BANK1: variants seen among roughly 807,000 people sequenced by gnomAD.
BANK1 encodes the protein B-cell scaffold protein with ankyrin repeats.
BANK1 carries 95 observed loss-of-function variants against 94.5 expected under a neutral mutation model. The ratio of observed to expected loss-of-function variants is 1.00; its 90% CI spans 0.85 to 1.19. The LOEUF (loss-of-function observed/expected upper bound fraction) is 1.19. Ranked by LOEUF, BANK1 falls within the 50% of genes most tolerant of loss-of-function variation. The pLI is 0.00. For synonymous variants in BANK1, 334 were observed against 308.4 expected (o/e 1.08, Z -0.87); for missense variants, 987 against 932.2 (o/e 1.06, Z -0.77).
chr4:101,842,394 A>G (rs956488714), intron 2 of BANK1, among the ~76,000 whole-genome samples: 1 of 152,354 alleles, frequency 6.6e-6, no homozygotes, highest in Non-Finnish European at 1.5e-5. Context: ...AACCACCAAT[A>G]AAAGAACTTT....
intron 10 of BANK1, among the ~76,000 whole-genome samples, chr4:102,032,793 G>A (rs1727364140): frequency 6.6e-6 from 1 of 152,000 alleles, no homozygotes. Context: ...GCTGAGGCAG[G>A]AGAATAGCTT....
chr4:101,948,609 G>A (rs1296344269), intron 7 of BANK1, among the ~76,000 whole-genome samples: 1 of 151,918 alleles, frequency 6.6e-6, no homozygotes, highest in Admixed American at 6.6e-5. Flanking sequence ...ATCTAAAATG[G>A]CATTTCAAAA....
At chr4:102,000,461 G>A (rs1033783653) in intron 7 of BANK1, among the ~76,000 whole-genome samples, 17 of 151,758 alleles carry the variant, frequency 1.1e-4, no homozygotes, top group African/African-American at 3.6e-4. Context: ...TATAAACCAT[G>A]TAAATCTTTT....
chr4:101,815,745 T>A (rs1319454754), intron 1 of BANK1, among the ~76,000 whole-genome samples: 1 of 151,996 alleles, frequency 6.6e-6, no homozygotes, highest in Non-Finnish European at 1.5e-5. Context: ...ACATGTTTTT[T>A]TAAATCCAAT....
chr4:101,991,487 A>G (rs1358221900), intron 7 of BANK1, among the ~76,000 whole-genome samples: 3 of 152,166 alleles, frequency 2.0e-5, no homozygotes, highest in Admixed American at 2.0e-4. Context: ...TAATTGGGTA[A>G]GGGTTAAAAA....
At chr4:101,799,649 C>A (rs1409560507) in intron 1 of BANK1, among the ~76,000 whole-genome samples, 1 of 152,036 alleles carries the variant, frequency 6.6e-6, no homozygotes. Context: ...CCAAGGTGGG[C>A]GGATCACGAG....
chr4:101,885,949 T>C (rs957486074), intron 5 of BANK1, among the ~76,000 whole-genome samples: 3 of 152,198 alleles, frequency 2.0e-5, no homozygotes, highest in Non-Finnish European at 4.4e-5. Flanking sequence ...CAATAGGAAG[T>C]AGTTGTATAT....
chr4:101,791,229 T>G (rs1408270718), intron 1 of BANK1, among the ~76,000 whole-genome samples: 1 of 140,134 alleles, frequency 7.1e-6, no homozygotes, highest in African/African-American at 2.5e-5. Flanking sequence ...GCTGGAACTT[T>G]CCCCAGCACC....
chr4:101,895,842 T>A (rs1189231713), intron 6 of BANK1, among the ~76,000 whole-genome samples: 1 of 151,814 alleles, frequency 6.6e-6, no homozygotes, highest in Non-Finnish European at 1.5e-5. Flanking sequence ...CCCGGGGTGA[T>A]GTTTTGGTGT....
rs533112915 is a variant in BANK1, at chr4:101,873,099, T to C, written c.903+2455T>C. Among the ~76,000 whole-genome samples the C allele has an allele frequency of 5.5e-5, 8 of 145,368 alleles. No homozygotes were observed. In the South Asian group the frequency reaches 1.7e-3, roughly 31 times the overall value. On this transcript the variant is annotated intron_variant, in intron 5 of 16. Transcript: ENST00000322953. ...TAGAACATTTCAGTAATTGTTTCTT[T>C]CATGGGCTACTCAGCCATTTTTTTT...
At chr4:102,019,983 C>T (rs1726837971) in intron 7 of BANK1, among the ~76,000 whole-genome samples, 1 of 152,050 alleles carries the variant, frequency 6.6e-6, no homozygotes, top group African/African-American at 2.4e-5. Context: ...TGTCATATGG[C>T]TTCAGTTATG....
At chr4:102,063,999 TAAG>T (rs775632518) in intron 13 of BANK1, among the ~76,000 whole-genome samples, 14 of 152,088 alleles carry the variant, frequency 9.2e-5, no homozygotes, top group Non-Finnish European at 1.0e-4. Flanking sequence ...CAAACATTAT[TAAG>T]AAGGTAAAAC....
At chr4:101,811,015 C>T (rs1725716830) in intron 1 of BANK1, among the ~76,000 whole-genome samples, 1 of 152,148 alleles carries the variant, frequency 6.6e-6, no homozygotes, top group Non-Finnish European at 1.5e-5. Flanking sequence ...TCAGTATCTC[C>T]ATTTCTTCAG....
intron 7 of BANK1, among the ~76,000 whole-genome samples, chr4:101,952,332 A>C (rs545099300): frequency 4.1e-4 from 63 of 152,154 alleles, no homozygotes; most frequent in Non-Finnish European, 8.2e-4. Context: ...ACTTATTGTA[A>C]ATCAAATCTA....
chr4:101,820,299 A>G (rs2148858897), intron 1 of BANK1, among the ~76,000 whole-genome samples: 1 of 152,234 alleles, frequency 6.6e-6, no homozygotes, highest in African/African-American at 2.4e-5. Flanking sequence ...TCCATGAACA[A>G]TTTCTGAGTA....
rs533563058 is a variant in BANK1 at position 101,912,780 on chromosome 4, A to T, written c.1010-5213A>T. ...TGGCAGTGCTTCCAAAGGCGTCTTA[A>T]GTTCTCCCCACTCCTTTTACTGCCC... On this transcript the variant is annotated intron_variant, in intron 6 of 16. Transcript: ENST00000322953. 2.8e-3 allele frequency among the ~76,000 whole-genome samples: 425 copies of T among 151,954 alleles called. 3 individuals are homozygous for T. Among genetic ancestry groups the T allele is most frequent in the Non-Finnish European group, 4.1e-3 (281 of 67,948 alleles).
chr4:102,045,423 G>A (rs1343291936), intron 11 of BANK1, among the ~76,000 whole-genome samples: 1 of 152,008 alleles, frequency 6.6e-6, no homozygotes, highest in East Asian at 1.9e-4. Flanking sequence ...TCAACATAGT[G>A]TTGGAAGTTC....
intron 1 of BANK1, among the ~76,000 whole-genome samples, chr4:101,828,383 TTATATATATATATATA>T (rs60877981): frequency 8.2e-4 from 116 of 142,176 alleles, no homozygotes; most frequent in African/African-American, 2.8e-3. Flanking sequence ...ATGAGTGAAT[TTATATATATATATATA>T]TATATATATA....
chr4:101,975,312 T>G (rs1293338674), intron 7 of BANK1, among the ~76,000 whole-genome samples: 1 of 152,198 alleles, frequency 6.6e-6, no homozygotes, highest in Non-Finnish European at 1.5e-5. Flanking sequence ...TATAAATTAT[T>G]TAACTTCATC....
Sources: allele counts gnomAD v4.1 joint callset (sites outside exome capture counted in the v4.1 genomes callset), GRCh38; gene constraint gnomAD v4.1.1; transcripts MANE v1.5; gene names NCBI Gene and HGNC (gene_info 2026-07-23, HGNC 2026-07-21).